CRACDL: variants seen among roughly 807,000 people sequenced by gnomAD.
CRACDL encodes the protein CRACD-like protein.
In CRACDL, 26 loss-of-function variants were observed where a neutral mutation model predicts 70.6. That is an observed-to-expected ratio of 0.37 (90% CI 0.27 to 0.51). CRACDL has a LOEUF of 0.51. Ranked by LOEUF, CRACDL falls within the 20% of genes least tolerant of loss-of-function variation. CRACDL has a pLI of 0.94. For missense variants in CRACDL, 1,283 were observed against 1,376.9 expected (o/e 0.93, Z 1.08); for synonymous variants, 618 against 615.2 (o/e 1.00, Z -0.07).
At chr2:98,884,178 C>T (rs1305210145) in intron 1 of CRACDL, among the ~76,000 whole-genome samples, 2 of 152,214 alleles carry the variant, frequency 1.3e-5, no homozygotes, top group African/African-American at 4.8e-5. Context: ...AGGCAAACAC[C>T]TGCCCCTGCC....
At chr2:98,885,328 T>C (rs1372606934) in intron 1 of CRACDL, among the ~76,000 whole-genome samples, 4 of 152,194 alleles carry the variant, frequency 2.6e-5, no homozygotes, top group Non-Finnish European at 5.9e-5. Context: ...CTCTTTTAAC[T>C]TATGCCGAGG....
At chr2:98,918,539 CAAAAAAAA>C (rs58312556) in intron 1 of CRACDL, among the ~76,000 whole-genome samples, 4 of 66,358 alleles carry the variant, frequency 6.0e-5, no homozygotes, top group Admixed American at 2.0e-4. Flanking sequence ...TGTTGTCTAC[CAAAAAAAA>C]AAAAAAAAAA....
At chr2:98,832,203 G>A (rs368661671) in intron 5 of CRACDL, 145 bp downstream of exon 5, 32 of 811,280 alleles carry the variant, frequency 3.9e-5, no homozygotes, top group Admixed American at 3.1e-4. Flanking sequence ...CACAGCTCAA[G>A]GGCTGATTGT....
At chr2:98,850,750 T>C (rs748446179) in intron 1 of CRACDL, among the ~76,000 whole-genome samples, 1 of 152,228 alleles carries the variant, frequency 6.6e-6, no homozygotes, top group Non-Finnish European at 1.5e-5. Context: ...AGTGTGTATC[T>C]GGGCACCCAC....
intron 1 of CRACDL, among the ~76,000 whole-genome samples, chr2:98,890,902 C>T (rs967106455): frequency 6.6e-6 from 1 of 151,466 alleles, no homozygotes; most frequent in African/African-American, 2.4e-5. Flanking sequence ...ACCAAAAATA[C>T]AAAAACTAGC....
chr2:98,890,374 G>C (rs985123890), intron 1 of CRACDL, among the ~76,000 whole-genome samples: 1 of 152,028 alleles, frequency 6.6e-6, no homozygotes, highest in African/African-American at 2.4e-5. Context: ...TACAAACAAT[G>C]GCATGCCAAC....
intron 2 of CRACDL, among the ~76,000 whole-genome samples, chr2:98,844,866 G>T (rs1457000891): frequency 6.6e-6 from 1 of 152,190 alleles, no homozygotes; most frequent in Non-Finnish European, 1.5e-5. Flanking sequence ...CAGTCTAGAA[G>T]CAATATTAAT....
intron 1 of CRACDL, chr2:98,869,346 C>T: frequency 9.3e-7 from 1 of 1,080,552 alleles, no homozygotes; most frequent in Non-Finnish European, 1.2e-6. Flanking sequence ...TGGGCGGGTG[C>T]ACAGGCACAC....
At chr2:98,908,066 G>A (rs1383336075) in intron 1 of CRACDL, among the ~76,000 whole-genome samples, 1 of 152,242 alleles carries the variant, frequency 6.6e-6, no homozygotes, top group African/African-American at 2.4e-5. Context: ...GGTAGAACAT[G>A]CAGTTTTGAA....
At chr2:98,817,624 C>G (rs185737394) in intron 7 of CRACDL, among the ~76,000 whole-genome samples, 5 of 152,342 alleles carry the variant, frequency 3.3e-5, no homozygotes, top group African/African-American at 1.2e-4. Flanking sequence ...GTGCAATAAA[C>G]TCTGAGGGTC....
chr2:98,901,744 A>C (rs1190669731), intron 1 of CRACDL, among the ~76,000 whole-genome samples: 1 of 152,160 alleles, frequency 6.6e-6, no homozygotes, highest in Non-Finnish European at 1.5e-5. Context: ...GAATGAGCAA[A>C]ATTGAGTGAA....
In CRACDL at chr2:98,797,500, A is replaced by C. The variant is rs1381757082; in HGVS notation, c.2454T>G (p.Ala818=). 6.2e-7 allele frequency: 1 copy of C among 1,614,112 alleles called. No homozygotes were observed. Among genetic ancestry groups the C allele is most frequent in the Non-Finnish European group, 8.5e-7 (1 of 1,180,030 alleles). Residue 818 remains alanine (A), a synonymous_variant, in exon 8 of 10, where the codon GCT becomes GCG. Transcript: ENST00000397899. ...TCCAGGGTGGCGCAGGCTGCCCATCAGCTCCAGGCCCTGTTGCTGCAGGCG... is the reference window on the plus strand; with the variant it reads ...TCCAGGGTGGCGCAGGCTGCCCATCCGCTCCAGGCCCTGTTGCTGCAGGCG... The part of the protein sequence containing the change: ...SLPPAATGPG[A]DGQPAPPWIT...
At chr2:98,802,020 C>T (rs923773737) in intron 7 of CRACDL, among the ~76,000 whole-genome samples, 48 of 152,242 alleles carry the variant, frequency 3.2e-4, no homozygotes, top group African/African-American at 1.0e-3. Flanking sequence ...CAATGGGTTG[C>T]ACCCCAGCCT....
rs184081756 is a variant in CRACDL at position 98,829,107 on chromosome 2, C to T, written c.541-1938G>A. 6.0e-4 allele frequency among the ~76,000 whole-genome samples: 92 copies of T among 152,358 alleles called. 1 individual carries two copies. The East Asian group carries it at 0.015, about 24-fold the overall frequency. On this transcript the variant is annotated intron_variant, in intron 5 of 9. Coordinates refer to ENST00000397899, the MANE Select transcript of CRACDL (RefSeq NM_207362.3). Reference sequence around the variant, plus strand: ...TTTGCAAGTGCAGTAAGAATGATCACGGTGCCTGTGACAATAATACCCCTG... The same window carrying T: ...TTTGCAAGTGCAGTAAGAATGATCATGGTGCCTGTGACAATAATACCCCTG...
At chr2:98,884,938 T>C (rs918892465) in intron 1 of CRACDL, among the ~76,000 whole-genome samples, 6 of 152,194 alleles carry the variant, frequency 3.9e-5, no homozygotes, top group Non-Finnish European at 7.3e-5. Context: ...AACAGGAGGA[T>C]GGACTTGGGC....
At chr2:98,895,492 A>G (rs1708095880) in intron 1 of CRACDL, among the ~76,000 whole-genome samples, 1 of 152,172 alleles carries the variant, frequency 6.6e-6, no homozygotes, top group Non-Finnish European at 1.5e-5. Flanking sequence ...GGAATGGCAG[A>G]TGTAGAGGCC....
At chr2:98,893,289 C>G (rs1708026292) in intron 1 of CRACDL, among the ~76,000 whole-genome samples, 1 of 151,272 alleles carries the variant, frequency 6.6e-6, no homozygotes, top group African/African-American at 2.4e-5. Flanking sequence ...GAGAAGGAAC[C>G]CTATTTTTTT....
Position 98,821,960 on chromosome 2 carries a change from G to T in CRACDL, c.2313C>A (p.Phe771Leu). Residue 771 changes from phenylalanine to leucine, a missense_variant, in exon 7 of 10, where the codon TTC becomes TTA. Phe to Leu is a conservative substitution (Grantham distance 22). Coordinates refer to ENST00000397899, the MANE Select transcript of CRACDL (RefSeq NM_207362.3). Reference sequence around the variant, plus strand: ...GGGGCGCGGGCTGGTGCGGGAGCGTGAAGCTCTGCAGAAGCGGCTTCCGGG... The same window carrying T: ...GGGGCGCGGGCTGGTGCGGGAGCGTTAAGCTCTGCAGAAGCGGCTTCCGGG... ...PLPRKPLLQS[F>L]TLPHQPAPPD... The T allele has an allele frequency of 1.9e-6, 3 of 1,544,744 alleles. No homozygotes were observed. Among genetic ancestry groups the T allele is most frequent in the Non-Finnish European group, 2.6e-6 (3 of 1,147,334 alleles).
At chr2:98,795,234 C>T (rs890068348) in intron 9 of CRACDL, among the ~76,000 whole-genome samples, 2 of 151,122 alleles carry the variant, frequency 1.3e-5, no homozygotes, top group African/African-American at 4.9e-5. Flanking sequence ...CGCCACCATG[C>T]CTGTCGAATT....
Sources: gnomAD v4.1 joint callset for allele counts (sites outside exome capture counted in the v4.1 genomes callset) on GRCh38, gnomAD v4.1.1 for gene constraint, MANE v1.5 for transcripts, NCBI Gene and HGNC (gene_info 2026-07-23, HGNC 2026-07-21) for gene names.